IFI44L: variants seen among roughly 807,000 people sequenced by gnomAD.
IFI44L encodes interferon-induced protein 44-like.
IFI44L carries 40 observed loss-of-function variants against 39.3 expected under a neutral mutation model. The ratio of observed to expected loss-of-function variants is 1.02; its 90% CI spans 0.79 to 1.33. IFI44L has a LOEUF of 1.33. IFI44L is among the 40% of genes most tolerant of loss of function. The pLI, the probability that IFI44L is intolerant of heterozygous loss-of-function variation, is 0.00. For synonymous variants in IFI44L, 198 were observed against 182.3 expected (o/e 1.09, Z -0.69); for missense variants, 623 against 549.0 (o/e 1.13, Z -1.35).
chr1:78,621,809 A>G (rs140279256), intron 1 of IFI44L, among the ~76,000 whole-genome samples: 1 of 152,228 alleles, frequency 6.6e-6, no homozygotes, highest in East Asian at 1.9e-4. Context: ...TTATTGATAC[A>G]TAATACATTA....
intron 4 of IFI44L, chr1:78,631,751 G>A (rs577403849): frequency 6.6e-6 from 1 of 152,030 alleles, no homozygotes; most frequent in Non-Finnish European, 1.5e-5. Context: ...CATTTTAAGG[G>A]TATCTCTGTG....
chr1:78,635,026 GTA>G (rs61477116), intron 4 of IFI44L, among the ~76,000 whole-genome samples: 85,182 of 147,930 alleles, frequency 0.58, 25,055 homozygotes, highest in African/African-American at 0.62. Context: ...GTGTGTATGT[GTA>G]TATATATATA....
chr1:78,640,918 G>C, intron 6 of IFI44L, 103 bp from the exon 7 acceptor site: 1 of 725,812 alleles, frequency 1.4e-6, no homozygotes, highest in South Asian at 1.7e-5. Context: ...TCATTCTTCA[G>C]CTCTCAAAAT....
chr1:78,641,873 T>TAGAGATTGA lies in IFI44L; in HGVS notation c.*64_*65insAGAGATTGA. 1.3e-6 allele frequency: 2 copies of TAGAGATTGA among 1,530,094 alleles called. No individual in the cohort carries two copies. Among genetic ancestry groups the TAGAGATTGA allele is most frequent in the South Asian group, 1.1e-5 (1 of 89,318 alleles). The allele number at this position is 1,530,094 out of a possible 1,614,324, so 94.8% of individuals were successfully genotyped here. On this transcript the variant is annotated 3_prime_UTR_variant, in exon 9 of 9. Coordinates refer to ENST00000370751, the MANE Select transcript of IFI44L (RefSeq NM_006820.4). The stretch of plus-strand genomic sequence containing the variant: ...ACTGGTGTGCCGCAATGAGAGTCAA[T>TAGAGATTGA]CTCTATTGACAGCCTGCTTCAGATT...
Position 78,642,468 on chromosome 1 carries a change from G to A in IFI44L, c.*659G>A, listed in dbSNP as rs1270864352. 6.6e-6 allele frequency: 1 copy of A among 151,800 alleles called. No individual in the cohort carries two copies. Among genetic ancestry groups the A allele is most frequent in the East Asian group, 1.9e-4 (1 of 5,180 alleles). The allele number at this position is 151,800 out of a possible 1,614,324, so 9.4% of individuals were successfully genotyped here. A position where few individuals can be genotyped will look rare whatever the true frequency, so the allele number is the denominator to read the frequency against. On this transcript the variant is annotated 3_prime_UTR_variant, in exon 9 of 9. Coordinates refer to ENST00000370751, the MANE Select transcript of IFI44L (RefSeq NM_006820.4). ...ATGATGGCACGTGCCTGTAGTCCCA[G>A]TTACTCAGGATGATTGATTGAGCCT... is the stretch of plus-strand genomic sequence containing the variant.
rs370290132 is a variant in IFI44L, at chr1:78,628,959, G to A, written c.487G>A (p.Asp163Asn). 2 of 1,570,016 alleles carry A rather than the reference G, an allele frequency of 1.3e-6. No homozygotes were observed. The highest frequency in any genetic ancestry group is 2.2e-5 in the East Asian group (1 of 44,556). Reference protein sequence around the residue: ...CEVFRVEGIKDNLDDIKRIIK... With the variant: ...CEVFRVEGIKNNLDDIKRIIK... ...ATGTTTATTTCCTATAGGAATTAAG[G>A]ATAACCTAGACGACATAAAGAGGAT... is the stretch of plus-strand genomic sequence containing the variant. The change falls in exon 3 of 9, where the codon GAT (aspartate) becomes AAT (asparagine). Residue 163 changes from aspartate to asparagine, a missense_variant. Physicochemically the swap from Asp to Asn is conservative, Grantham distance 23. Coordinates refer to ENST00000370751, the MANE Select transcript of IFI44L (RefSeq NM_006820.4).
chr1:78,625,820 G>C (rs1652463922), intron 1 of IFI44L: 1 of 151,736 alleles, frequency 6.6e-6, no homozygotes, highest in Non-Finnish European at 1.5e-5. Context: ...CATTGTATAA[G>C]TTTTAACAAG....
In IFI44L at chr1:78,637,079, C is replaced by G. The variant is rs1652976710; in HGVS notation, c.924C>G (p.Thr308=). 3.1e-6 allele frequency: 5 copies of G among 1,611,790 alleles called. No individual in the cohort carries two copies. Among genetic ancestry groups the G allele is most frequent in the African/African-American group, 1.3e-5 (1 of 74,812 alleles). The change falls in exon 6 of 9, where the codon ACC becomes ACG. Residue 308 remains threonine, a synonymous_variant. Coordinates refer to ENST00000370751, the MANE Select transcript of IFI44L (RefSeq NM_006820.4). ...CACCTGAGCATTCTACTTTTATCAC[C>G]TCTCCATCTCTGAAGGACAGGATTC... The part of the protein sequence containing the change: ...PITPEHSTFI[T]SPSLKDRIHC...
At chr1:78,631,912 T>C (rs1652763594) in intron 4 of IFI44L, among the ~76,000 whole-genome samples, 1 of 152,146 alleles carries the variant, frequency 6.6e-6, no homozygotes, top group Admixed American at 6.6e-5. Context: ...ACTGTATTTC[T>C]CCCAATTACT....
At chr1:78,628,732 C>T in intron 2 of IFI44L, 1 of 544,256 alleles carries the variant, frequency 1.8e-6, no homozygotes, top group Non-Finnish European at 3.3e-6. Context: ...ACCCTTAGAA[C>T]TTCTAGGTGT....
At chr1:78,641,209 G>T in intron 7 of IFI44L, 88 bp downstream of exon 7, 1 of 999,882 alleles carries the variant, frequency 1.0e-6, no homozygotes, top group Non-Finnish European at 1.6e-6. Context: ...ACGTGTATAT[G>T]TGCTTACAGA....
chr1:78,632,945 CTT>C (rs745494489), intron 4 of IFI44L, among the ~76,000 whole-genome samples: 5 of 152,112 alleles, frequency 3.3e-5, no homozygotes, highest in Non-Finnish European at 5.9e-5. Context: ...TAAAACAACA[CTT>C]AAGAGCAGGA....
chr1:78,621,558 C>T (rs769485918), intron 1 of IFI44L, among the ~76,000 whole-genome samples: 20 of 152,166 alleles, frequency 1.3e-4, no homozygotes, highest in Non-Finnish European at 2.5e-4. Flanking sequence ...AGGTGTGAGC[C>T]ACCACACCTA....
rs114034106 is a variant in IFI44L at position 78,630,424 on chromosome 1, G to T, written c.723+509G>T. The stretch of plus-strand genomic sequence containing the variant: ...ACAAAAACTATCTTATTTACAAAAA[G>T]ATATACATAAGGAAATAAATAGTAA... On this transcript the variant is annotated intron_variant, in intron 4 of 8. Transcript: ENST00000370751. Among the ~76,000 whole-genome samples the T allele has an allele frequency of 8.9e-3, 1,357 of 152,150 alleles. 18 individuals are homozygous for T. Among genetic ancestry groups the T allele is most frequent in the African/African-American group, 0.031 (1,293 of 41,522 alleles).
intron 4 of IFI44L, 39 bp downstream of exon 4, chr1:78,629,954 A>T: frequency 6.5e-7 from 1 of 1,527,482 alleles, no homozygotes; most frequent in Non-Finnish European, 9.0e-7. Flanking sequence ...TATAGATTAC[A>T]ATTATTATAT....
At position 78,644,309 on chromosome 1, in the gene IFI44L, AAG is replaced by A. The variant is rs1647024031; in HGVS notation, c.*2508_*2509del. Reference sequence around the variant, plus strand: ...GAAGAGAAGGAGTGAAGGAGAGATCAAGAGAGAGAAACAATGAGGAACATTTC... The same window carrying A: ...GAAGAGAAGGAGTGAAGGAGAGATCAAGAGAGAAACAATGAGGAACATTTC... On this transcript the variant is annotated 3_prime_UTR_variant, in exon 9 of 9. Transcript: ENST00000370751. The A allele has an allele frequency of 6.6e-6, 1 of 152,224 alleles. No homozygotes were observed. Among genetic ancestry groups the A allele is most frequent in the South Asian group, 2.1e-4 (1 of 4,826 alleles). The allele number at this position is 152,224 out of a possible 1,614,324, so 9.4% of individuals were successfully genotyped here.
chr1:78,630,008 C>A (rs1349769316), intron 4 of IFI44L, 93 bp downstream of exon 4: 3 of 1,119,894 alleles, frequency 2.7e-6, no homozygotes, highest in Admixed American at 1.9e-5. Flanking sequence ...TCCTAATATA[C>A]AATTAAATGC....
chr1:78,631,215 T>C (rs760421529), intron 4 of IFI44L, among the ~76,000 whole-genome samples: 1 of 152,160 alleles, frequency 6.6e-6, no homozygotes, highest in Non-Finnish European at 1.5e-5. Flanking sequence ...AAAGACTCTT[T>C]CCTTTGAATA....
chr1:78,635,032 A>G (rs1202993196), intron 4 of IFI44L, among the ~76,000 whole-genome samples: 2 of 150,548 alleles, frequency 1.3e-5, no homozygotes, highest in Admixed American at 1.3e-4. Flanking sequence ...ATGTGTATAT[A>G]TATATATATA....
Sources: gnomAD v4.1 joint callset for allele counts (sites outside exome capture counted in the v4.1 genomes callset) on GRCh38, gnomAD v4.1.1 for gene constraint, MANE v1.5 for transcripts, NCBI Gene and HGNC (gene_info 2026-07-23, HGNC 2026-07-21) for gene names.